The following AGAP1 variants were observed in gnomAD, a reference collection of about 807,000 sequenced individuals.
The protein encoded by AGAP1 is arf-GAP with GTPase, ANK repeat and PH domain-containing protein 1.
A neutral mutation model predicts 105.3 loss-of-function variants in AGAP1; 29 were observed. That is an observed-to-expected ratio of 0.28 (90% confidence interval 0.21 to 0.38). The LOEUF (loss-of-function observed/expected upper bound fraction) is 0.38, where lower values mean the gene tolerates loss of function less well. Ranked by LOEUF, AGAP1 falls within the 10% of genes least tolerant of loss-of-function variation. The pLI is 1.00. For synonymous variants in AGAP1, 509 were observed against 485.9 expected, an observed-to-expected ratio of 1.05 and a Z score of -0.63; for missense variants, 998 against 1,165.1, an observed-to-expected ratio of 0.86 and a Z score of 2.09.
At chr2:235,630,043 T>TC in intron 1 of AGAP1, among the ~76,000 whole-genome samples, 1 of 152,268 alleles carries the variant, frequency 6.6e-6, no homozygotes, top group South Asian at 2.1e-4. Context: ...ACATTTAATT[T>TC]TTTTTTCCAG....
chr2:235,688,547 G>T lies in AGAP1; in HGVS notation c.164-20632G>T, dbSNP rs1192956042. Among the ~76,000 whole-genome samples the T allele has an allele frequency of 2.0e-5, 3 of 152,254 alleles. No individual in the cohort carries two copies. The East Asian group carries it at 5.8e-4, about 29-fold the overall frequency. ...TGTAAGCTGCTTTCAGAAAAAGCCA[G>T]ATCCTGCCACATGAGACTGCAGGCC... On this transcript the variant is annotated intron_variant, in intron 1 of 17. Transcript: ENST00000304032.
intron 16 of AGAP1, among the ~76,000 whole-genome samples, chr2:236,071,330 G>A (rs1449185143): frequency 1.3e-5 from 2 of 152,332 alleles, no homozygotes; most frequent in South Asian, 2.1e-4. Context: ...CACCTGGCCT[G>A]CAGATGGCTT....
Position 235,891,739 on chromosome 2 carries a change from A to G in AGAP1, c.1155+8290A>G, listed in dbSNP as rs2050555378. On this transcript the variant is annotated intron_variant, in intron 10 of 17. Transcript: ENST00000304032. The surrounding 1 kb of genome is among the most constrained non-coding windows in gnomAD (Gnocchi z 4.2). The stretch of plus-strand genomic sequence containing the variant: ...ACTTCAAGGTGCCCCTGTCTAGGAA[A>G]GCTCACCAGTGTTCCGGTCCTGGCT... Among the ~76,000 whole-genome samples the G allele has an allele frequency of 6.6e-6, 1 of 152,166 alleles. No homozygotes were observed. The highest frequency in any genetic ancestry group is 1.5e-5 in the Non-Finnish European group (1 of 68,024).
intron 1 of AGAP1, chr2:235,670,899 T>G (rs1197738817): frequency 2.2e-6 from 3 of 1,344,350 alleles, no homozygotes; most frequent in Non-Finnish European, 2.8e-6. Context: ...CTGCTGCGCT[T>G]CTTCAGCGGC....
rs1559231792 is a variant in AGAP1, at chr2:235,536,674, CA to C, written c.163+41826del. On this transcript the variant is annotated intron_variant, in intron 1 of 17. Coordinates refer to ENST00000304032, the MANE Select transcript of AGAP1 (RefSeq NM_001037131.3). ...ACACACACACACACACACACACACA[CA>C]CACCCCTTGCTTATGTCCTCCACCC... 4.2e-3 allele frequency among the ~76,000 whole-genome samples: 575 copies of C among 138,448 alleles called. 2 individuals are homozygous for C. Among genetic ancestry groups the C allele is most frequent in the Non-Finnish European group, 6.1e-3 (383 of 62,304 alleles). 90.8% of individuals were successfully genotyped at this position (138,448 alleles called of 152,430 possible).
intron 16 of AGAP1, among the ~76,000 whole-genome samples, chr2:236,059,377 C>A (rs2058128719): frequency 6.6e-6 from 1 of 152,176 alleles, no homozygotes; most frequent in Admixed American, 6.5e-5. Context: ...TGGAATATGG[C>A]AGTACTCTTC....
rs1434261158 is a variant in AGAP1, at chr2:235,662,542, T to C, written c.164-46637T>C. Among the ~76,000 whole-genome samples the C allele has an allele frequency of 1.3e-5, 2 of 150,208 alleles. No individual in the cohort carries two copies. Among genetic ancestry groups the C allele is most frequent in the African/African-American group, 4.9e-5 (2 of 40,722 alleles). On this transcript the variant is annotated intron_variant, in intron 1 of 17. Transcript: ENST00000304032. This position sits in a 1 kb window ranked among gnomAD's most constrained non-coding sequence, Gnocchi z 4.2. ...ATTTTTTTTTTTTTTTTTTTGGCTCTGTTGCCCAGGCTGGATTGCAGTGGT... is the reference window on the plus strand; with the variant it reads ...ATTTTTTTTTTTTTTTTTTTGGCTCCGTTGCCCAGGCTGGATTGCAGTGGT...
At chr2:235,496,262 T>C (rs1941314836) in intron 1 of AGAP1, among the ~76,000 whole-genome samples, 1 of 152,208 alleles carries the variant, frequency 6.6e-6, no homozygotes, top group South Asian at 2.1e-4. Flanking sequence ...GCTCCAGCCT[T>C]ATGGGGTCCT....
rs1410239860 is a variant in AGAP1 at position 235,934,828 on chromosome 2, A to G, written c.1483+3905A>G. 6.6e-6 allele frequency among the ~76,000 whole-genome samples: 1 copy of G among 151,880 alleles called. No homozygotes were observed. Among genetic ancestry groups the G allele is most frequent in the African/African-American group, 2.4e-5 (1 of 41,344 alleles). On this transcript the variant is annotated intron_variant, in intron 12 of 17. Transcript: ENST00000304032. The surrounding 1 kb of genome is among the most constrained non-coding windows in gnomAD (Gnocchi z 4.9). ...CCCGTGTTGGCAAGTGTGCCTTCCC[A>G]TTGTTGTGCACTCTTACTCTAAAAC...
rs1378662594 is a variant in AGAP1 at position 235,934,918 on chromosome 2, T to G, written c.1483+3995T>G. Among the ~76,000 whole-genome samples, 1 of 152,132 alleles carries G rather than the reference T, an allele frequency of 6.6e-6. No individual in the cohort carries two copies. Among genetic ancestry groups the G allele is most frequent in the East Asian group, 1.9e-4 (1 of 5,176 alleles). On this transcript the variant is annotated intron_variant, in intron 12 of 17. Transcript: ENST00000304032. The surrounding 1 kb of genome is among the most constrained non-coding windows in gnomAD (Gnocchi z 4.9). ...CCCCCCGTCCACCCTAAATTAAGAC[T>G]TTGGCTCTGGAGAACTTTTCAAAGT...
In AGAP1 at chr2:235,901,268, C is replaced by T. The variant is rs1699613445; in HGVS notation, c.1156-7470C>T. ...GGAATAGTAGTGAACTTTACAATGG[C>T]TTCTCTTACATACTTTTTTTTTTTT... On this transcript the variant is annotated intron_variant, in intron 10 of 17. Transcript: ENST00000304032. The surrounding 1 kb of genome is among the most constrained non-coding windows in gnomAD (Gnocchi z 4.3). Among the ~76,000 whole-genome samples the T allele has an allele frequency of 6.6e-6, 1 of 151,228 alleles. No individual in the cohort carries two copies. The highest frequency in any genetic ancestry group is 1.5e-5 in the Non-Finnish European group (1 of 67,884).
intron 1 of AGAP1, among the ~76,000 whole-genome samples, chr2:235,667,369 A>G (rs1213466341): frequency 6.6e-6 from 1 of 152,212 alleles, no homozygotes; most frequent in African/African-American, 2.4e-5. Context: ...TAACATTTAC[A>G]TTTGATTTGT....
At chr2:235,942,918 C>G (rs2053327859) in intron 12 of AGAP1, among the ~76,000 whole-genome samples, 2 of 151,934 alleles carry the variant, frequency 1.3e-5, no homozygotes, top group Admixed American at 6.6e-5. Flanking sequence ...GAGACCCTAT[C>G]TCTACTAAAA....
intron 1 of AGAP1, among the ~76,000 whole-genome samples, chr2:235,519,433 A>G (rs1376558701): frequency 1.3e-5 from 2 of 152,142 alleles, no homozygotes; most frequent in Non-Finnish European, 2.9e-5. Flanking sequence ...AATTCCTGAT[A>G]TATAGGTGTC....
In AGAP1 at chr2:235,586,093, G is replaced by A. The variant is rs1351489734; in HGVS notation, c.163+91244G>A. Among the ~76,000 whole-genome samples, 3 of 152,092 alleles carry A rather than the reference G, an allele frequency of 2.0e-5. No individual in the cohort carries two copies. Among genetic ancestry groups the A allele is most frequent in the Admixed American group, 2.0e-4 (3 of 15,268 alleles). On this transcript the variant is annotated intron_variant, in intron 1 of 17. Coordinates refer to ENST00000304032, the MANE Select transcript of AGAP1 (RefSeq NM_001037131.3). This position sits in a 1 kb window ranked among gnomAD's most constrained non-coding sequence, Gnocchi z 4.2. ...CATGAGCGAGTCAAATGCAAGTTGG[G>A]GAAGTGGCTGAAAAAAATGCCTCCT...
chr2:235,764,223 C>T (rs1030020022), intron 6 of AGAP1, among the ~76,000 whole-genome samples: 1 of 152,186 alleles, frequency 6.6e-6, no homozygotes, highest in Non-Finnish European at 1.5e-5. Flanking sequence ...AAAGAAAAAG[C>T]AAAACTGCCA....
In AGAP1 at chr2:236,121,347, C is replaced by G. The variant is rs2059891403; in HGVS notation, c.2370+900C>G. ...ACAGAGTCTCGCTCTGTCACCCAGG[C>G]TGGAGTGCAGTGGTGCGATCTCAGC... On this transcript the variant is annotated intron_variant, in intron 17 of 17. Transcript: ENST00000304032. The surrounding 1 kb of genome is among the most constrained non-coding windows in gnomAD (Gnocchi z 4.9). 6.6e-6 allele frequency among the ~76,000 whole-genome samples: 1 copy of G among 152,242 alleles called. No individual in the cohort carries two copies. The highest frequency in any genetic ancestry group is 1.5e-5 in the Non-Finnish European group (1 of 68,050).
At position 235,801,513 on chromosome 2, in the gene AGAP1, A is replaced by G. The variant is rs942075522; in HGVS notation, c.957+1991A>G. Among the ~76,000 whole-genome samples the G allele has an allele frequency of 1.3e-5, 2 of 151,746 alleles. No homozygotes were observed. The highest frequency in any genetic ancestry group is 2.9e-5 in the Non-Finnish European group (2 of 67,916). ...GTTTTATTGGGCAGTTTCTTCACAC[A>G]CACCGAGAACAGCAGCAGTCACCTA... is the stretch of plus-strand genomic sequence containing the variant. On this transcript the variant is annotated intron_variant, in intron 8 of 17. Transcript: ENST00000304032. The surrounding 1 kb of genome is among the most constrained non-coding windows in gnomAD (Gnocchi z 6.0).
Position 235,614,712 on chromosome 2 carries a change from A to G in AGAP1, c.164-94467A>G, listed in dbSNP as rs1224410459. Among the ~76,000 whole-genome samples the G allele has an allele frequency of 6.6e-6, 1 of 152,140 alleles. No homozygotes were observed. The highest frequency in any genetic ancestry group is 1.9e-4 in the East Asian group (1 of 5,188). On this transcript the variant is annotated intron_variant, in intron 1 of 17. Transcript: ENST00000304032. This position sits in a 1 kb window ranked among gnomAD's most constrained non-coding sequence, Gnocchi z 4.7. ...GGGCCCTTTTTCCACACGCTTAGGGAAGATACGAGACTGGCTAACTCAGTA... is the reference window on the plus strand; with the variant it reads ...GGGCCCTTTTTCCACACGCTTAGGGGAGATACGAGACTGGCTAACTCAGTA...
Sources: gnomAD v4.1 joint callset for allele counts (sites outside exome capture counted in the v4.1 genomes callset) on GRCh38, gnomAD v4.1.1 for gene constraint, Gnocchi (gnomAD v3.1) non-coding constraint, MANE v1.5 for transcripts, NCBI Gene and HGNC (gene_info 2026-07-23, HGNC 2026-07-21) for gene names.